The following TRIM72 variants were observed in gnomAD, a reference collection of about 807,000 sequenced individuals.
TRIM72 encodes the protein tripartite motif containing 72, also known as tripartite motif-containing protein 72.
A neutral mutation model predicts 31.6 loss-of-function variants in TRIM72; 33 were observed. The ratio of observed to expected loss-of-function variants is 1.04; its 90% CI spans 0.79 to 1.40. The LOEUF (loss-of-function observed/expected upper bound fraction) is 1.40. TRIM72 is among the 40% of genes most tolerant of loss of function. TRIM72 has a pLI of 0.00. For synonymous variants in TRIM72, 301 were observed against 314.4 expected, an observed-to-expected ratio of 0.96 and a Z score of 0.45; for missense variants, 666 against 682.7, an observed-to-expected ratio of 0.98 and a Z score of 0.27.
Position 31,225,642 on chromosome 16 carries a change from T to TC in TRIM72, c.*888dup. On this transcript the variant is annotated 3_prime_UTR_variant, in exon 7 of 7. Transcript: ENST00000322122. ...AAAATGCTCATTTCTTTTTTTTATTTCTTTTTTTTTTTTTTTTTTTTTTTT... is the reference window on the plus strand; with the variant it reads ...AAAATGCTCATTTCTTTTTTTTATTTCCTTTTTTTTTTTTTTTTTTTTTTTT... The TC allele has an allele frequency of 2.1e-5, 3 of 144,390 alleles. No individual in the cohort carries two copies. The highest frequency in any genetic ancestry group is 4.0e-4 in the East Asian group (2 of 4,952). 8.9% of individuals were successfully genotyped at this position (144,390 alleles called of 1,614,324 possible). A position where few individuals can be genotyped will look rare whatever the true frequency, so the allele number is the denominator to read the frequency against.
chr16:31,216,777 C>T lies in TRIM72; in HGVS notation c.390+1649C>T, dbSNP rs768050384. On this transcript the variant is annotated intron_variant, in intron 2 of 6. Coordinates refer to ENST00000322122, the MANE Select transcript of TRIM72 (RefSeq NM_001008274.4). This position sits in a 1 kb window ranked among gnomAD's most constrained non-coding sequence, Gnocchi z 6.7. ...GTGGCCCTCACGCAGCCCGCTGCAG[C>T]CGTGCGGCCTCCTCCAACATGCGCA... is the stretch of plus-strand genomic sequence containing the variant. The T allele has an allele frequency of 6.2e-7, 1 of 1,603,762 alleles. No individual in the cohort carries two copies.
In TRIM72 at chr16:31,215,490, G is replaced by A. The variant is rs1002294610; in HGVS notation, c.390+362G>A. ...TGACCAGCCCCTGCGGCCCACGCTC[G>A]CATTCCTGCACCCGGTGGGCCGTTC... On this transcript the variant is annotated intron_variant, in intron 2 of 6. Coordinates refer to ENST00000322122, the MANE Select transcript of TRIM72 (RefSeq NM_001008274.4). This position sits in a 1 kb window ranked among gnomAD's most constrained non-coding sequence, Gnocchi z 6.3. Among the ~76,000 whole-genome samples the A allele has an allele frequency of 1.3e-5, 2 of 152,208 alleles. No homozygotes were observed. Among genetic ancestry groups the A allele is most frequent in the Non-Finnish European group, 2.9e-5 (2 of 68,030 alleles).
In TRIM72 at chr16:31,227,334, C is replaced by T. The variant is rs923408746; in HGVS notation, c.*2579C>T. ...CCTCTTGCCTACAGGATAAAGCCCCCAGTCTTTGGCTTAGCATTTGAGCTG... is the reference window on the plus strand; with the variant it reads ...CCTCTTGCCTACAGGATAAAGCCCCTAGTCTTTGGCTTAGCATTTGAGCTG... On this transcript the variant is annotated 3_prime_UTR_variant, in exon 7 of 7. Coordinates refer to ENST00000322122, the MANE Select transcript of TRIM72 (RefSeq NM_001008274.4). The T allele has an allele frequency of 6.6e-6, 1 of 152,210 alleles. No individual in the cohort carries two copies. Among genetic ancestry groups the T allele is most frequent in the Non-Finnish European group, 1.5e-5 (1 of 68,042 alleles). 9.4% of individuals were successfully genotyped at this position (152,210 alleles called of 1,614,324 possible).
At position 31,230,859 on chromosome 16, in the gene TRIM72, G is replaced by A. The variant is rs1474002064; in HGVS notation, c.*6104G>A. 1 of 151,696 alleles carries A rather than the reference G, an allele frequency of 6.6e-6. No homozygotes were observed. Among genetic ancestry groups the A allele is most frequent in the Non-Finnish European group, 1.5e-5 (1 of 67,990 alleles). 9.4% of individuals were successfully genotyped at this position (151,696 alleles called of 1,614,324 possible). ...TCCTCCTCAACCTCTTGGTCTCTCT[G>A]ATTCCTAAATTATCCCACTGCAGAA... On this transcript the variant is annotated 3_prime_UTR_variant, in exon 7 of 7. Coordinates refer to ENST00000322122, the MANE Select transcript of TRIM72 (RefSeq NM_001008274.4).
At chr16:31,218,192 G>A (rs2079518686) in intron 2 of TRIM72, among the ~76,000 whole-genome samples, 1 of 152,128 alleles carries the variant, frequency 6.6e-6, no homozygotes, top group Non-Finnish European at 1.5e-5. Flanking sequence ...CCTGTGCTAT[G>A]GGGCTGACTG....
At chr16:31,218,883 C>T (rs1267837994) in intron 2 of TRIM72, among the ~76,000 whole-genome samples, 2 of 151,878 alleles carry the variant, frequency 1.3e-5, no homozygotes, top group Middle Eastern at 3.2e-3. Context: ...AATAAAAAAC[C>T]GCACCAAAAT....
chr16:31,228,249 C>T lies in TRIM72; in HGVS notation c.*3494C>T, dbSNP rs968794943. 7 of 152,172 alleles carry T rather than the reference C, an allele frequency of 4.6e-5. No individual in the cohort carries two copies. The highest frequency in any genetic ancestry group is 1.7e-4 in the African/African-American group (7 of 41,432). The allele number at this position is 152,172 out of a possible 1,614,324, so 9.4% of individuals were successfully genotyped here. A position where few individuals can be genotyped will look rare whatever the true frequency, so the allele number is the denominator to read the frequency against. On this transcript the variant is annotated 3_prime_UTR_variant, in exon 7 of 7. Transcript: ENST00000322122. The stretch of plus-strand genomic sequence containing the variant: ...ACAGGCTTGAACCGCCGCGCCCAGC[C>T]CCAGCTTCATCTTAAAAAGAAAAGT...
chr16:31,216,638 G>A lies in TRIM72; in HGVS notation c.390+1510G>A. Reference sequence around the variant, plus strand: ...AGGGGCTGGCCGGAGGTCTGAGGGAGGACCCCAGGAGGGACCCTGAAGGAG... The same window carrying A: ...AGGGGCTGGCCGGAGGTCTGAGGGAAGACCCCAGGAGGGACCCTGAAGGAG... On this transcript the variant is annotated intron_variant, in intron 2 of 6. Coordinates refer to ENST00000322122, the MANE Select transcript of TRIM72 (RefSeq NM_001008274.4). This position sits in a 1 kb window ranked among gnomAD's most constrained non-coding sequence, Gnocchi z 6.7. 8.1e-7 allele frequency: 1 copy of A among 1,233,198 alleles called. No individual in the cohort carries two copies. The highest frequency in any genetic ancestry group is 1.5e-5 in the South Asian group (1 of 66,796). The allele number at this position is 1,233,198 out of a possible 1,614,324, so 76.4% of individuals were successfully genotyped here.
In TRIM72 at chr16:31,224,621, G is replaced by A. The variant is rs775530190; in HGVS notation, c.1300G>A (p.Ala434Thr). 1.9e-6 allele frequency: 3 copies of A among 1,550,992 alleles called. No homozygotes were observed. Among genetic ancestry groups the A allele is most frequent in the Non-Finnish European group, 1.7e-6 (2 of 1,154,192 alleles). ...LSFYDASDADALVPLFAFHER... is the reference protein window; with the variant it reads ...LSFYDASDADTLVPLFAFHER... ...CTTCTACGATGCCAGCGACGCCGAC[G>A]CGCTCGTGCCGCTTTTTGCCTTCCA... is the stretch of plus-strand genomic sequence containing the variant. Residue 434 changes from alanine to threonine, a missense_variant, in exon 7 of 7, where the codon GCG becomes ACG. Physicochemically the swap from Ala to Thr is moderately conservative, Grantham distance 58 (BLOSUM62 0). Coordinates refer to ENST00000322122, the MANE Select transcript of TRIM72 (RefSeq NM_001008274.4).
chr16:31,217,960 T>C (rs564944783), intron 2 of TRIM72, among the ~76,000 whole-genome samples: 2 of 152,130 alleles, frequency 1.3e-5, no homozygotes, highest in East Asian at 3.8e-4. Flanking sequence ...TCCAAGCCCA[T>C]GTGTGTACAG....
At position 31,224,296 on chromosome 16, in the gene TRIM72, G is replaced by A; in HGVS notation, c.975G>A (p.Pro325=). ...AGGCGCCGCCGGCCGGGGAGGACCC[G>A]CGCCAGTTCGACAAGGCGGTGGCGG... The part of the protein sequence containing the change: ...EQKAPPAGED[P]RQFDKAVAVV... Residue 325 remains proline (P), a synonymous_variant, in exon 7 of 7, where the codon CCG becomes CCA. Transcript: ENST00000322122. 7 of 1,602,328 alleles carry A rather than the reference G, an allele frequency of 4.4e-6. No individual in the cohort carries two copies. Among genetic ancestry groups the A allele is most frequent in the African/African-American group, 1.3e-5 (1 of 74,764 alleles).
At chr16:31,218,215 G>C (rs1019484239) in intron 2 of TRIM72, among the ~76,000 whole-genome samples, 3 of 152,136 alleles carry the variant, frequency 2.0e-5, no homozygotes, top group African/African-American at 7.2e-5. Flanking sequence ...GAGCAGAGGG[G>C]ATCAGGGAAG....
chr16:31,217,688 C>T (rs1331111754), intron 2 of TRIM72, among the ~76,000 whole-genome samples: 1 of 150,480 alleles, frequency 6.6e-6, no homozygotes, highest in Non-Finnish European at 1.5e-5. Context: ...ATTCTTGGCT[C>T]ACTGCAACCT....
rs2079557091 is a variant in TRIM72 at position 31,227,005 on chromosome 16, G to A, written c.*2250G>A. 1 of 152,344 alleles carries A rather than the reference G, an allele frequency of 6.6e-6. No homozygotes were observed. Among genetic ancestry groups the A allele is most frequent in the Non-Finnish European group, 1.5e-5 (1 of 68,126 alleles). The allele number at this position is 152,344 out of a possible 1,614,324, so 9.4% of individuals were successfully genotyped here. ...GCAGGGGAAGGCGGCACACCTGGGT[G>A]TGTCTCCCAGAGGAAGGCCTGTGGA... On this transcript the variant is annotated 3_prime_UTR_variant, in exon 7 of 7. Transcript: ENST00000322122.
chr16:31,223,460 C>T (rs764492885), intron 6 of TRIM72, among the ~76,000 whole-genome samples: 5 of 152,172 alleles, frequency 3.3e-5, no homozygotes, highest in African/African-American at 1.2e-4. Flanking sequence ...CCTGCCTCAG[C>T]GCAGGTGGGA....
In TRIM72 at chr16:31,224,781, G is replaced by GC; in HGVS notation, c.*27dup. The GC allele has an allele frequency of 7.0e-7, 1 of 1,436,610 alleles. No individual in the cohort carries two copies. The highest frequency in any genetic ancestry group is 9.1e-7 in the Non-Finnish European group (1 of 1,099,452). The allele number at this position is 1,436,610 out of a possible 1,614,324, so 89.0% of individuals were successfully genotyped here. On this transcript the variant is annotated 3_prime_UTR_variant, in exon 7 of 7. Transcript: ENST00000322122. ...GCCGCCGGACGGGTAGTGGAGGGGC[G>GC]CGGGGGCCTGGGTTGAAGCTTAGGT...
At chr16:31,224,052 T>C in intron 6 of TRIM72, 129 bp from the exon 7 acceptor site, 1 of 1,095,434 alleles carries the variant, frequency 9.1e-7, no homozygotes, top group Non-Finnish European at 1.3e-6. Flanking sequence ...AGGTGTGATC[T>C]TGTGGCCCAA....
Position 31,229,122 on chromosome 16 carries a change from G to T in TRIM72, c.*4367G>T, listed in dbSNP as rs1209282186. 1 of 152,274 alleles carries T rather than the reference G, an allele frequency of 6.6e-6. No homozygotes were observed. The highest frequency in any genetic ancestry group is 1.9e-4 in the East Asian group (1 of 5,200). The allele number at this position is 152,274 out of a possible 1,614,324, so 9.4% of individuals were successfully genotyped here. ...TATCTGAGACCCAAAGCCTCCTTCT[G>T]AGGAAATGGGTACTCTGAGAAGCAG... On this transcript the variant is annotated 3_prime_UTR_variant, in exon 7 of 7. Coordinates refer to ENST00000322122, the MANE Select transcript of TRIM72 (RefSeq NM_001008274.4).
Position 31,230,134 on chromosome 16 carries a change from A to G in TRIM72, c.*5379A>G, listed in dbSNP as rs1022765047. 4.6e-5 allele frequency: 7 copies of G among 152,200 alleles called. No homozygotes were observed. The highest frequency in any genetic ancestry group is 1.7e-4 in the African/African-American group (7 of 41,452). The allele number at this position is 152,200 out of a possible 1,614,324, so 9.4% of individuals were successfully genotyped here. A position where few individuals can be genotyped will look rare whatever the true frequency, so the allele number is the denominator to read the frequency against. ...AAGCAAAAACTCAGTTGTATGTAAG[A>G]AAACCCCATTCACCCTGAGGAAGAG... On this transcript the variant is annotated 3_prime_UTR_variant, in exon 7 of 7. Transcript: ENST00000322122.
Sources: gnomAD v4.1 joint callset for allele counts (sites outside exome capture counted in the v4.1 genomes callset) on GRCh38, gnomAD v4.1.1 for gene constraint, Gnocchi (gnomAD v3.1) non-coding constraint, MANE v1.5 for transcripts, NCBI Gene and HGNC (gene_info 2026-07-23, HGNC 2026-07-21) for gene names.